The following TDP2 variants were observed in gnomAD, a reference collection of about 807,000 sequenced individuals.
TDP2 encodes the protein 5'-Tyr-DNA phosphodiesterase.
TDP2 carries 38 observed loss-of-function variants against 42.8 expected under a neutral mutation model. The ratio of observed to expected loss-of-function variants is 0.89; its 90% CI spans 0.68 to 1.16. The LOEUF is 1.16. TDP2 is among the 50% of genes most tolerant of loss of function. The probability of loss-of-function intolerance (pLI) is 0.00; values close to 1 mark genes in which losing one functional copy is unlikely to be tolerated. For missense variants in TDP2, 439 were observed against 439.3 expected, an observed-to-expected ratio of 1.00 and a Z score of 0.01; for synonymous variants, 173 against 150.6, an observed-to-expected ratio of 1.15 and a Z score of -1.09.
intron 2 of TDP2, among the ~76,000 whole-genome samples, chr6:24,664,405 T>G (rs1778200196): frequency 6.6e-6 from 1 of 152,128 alleles, no homozygotes; most frequent in South Asian, 2.1e-4. Context: ...TCTGGTTTTT[T>G]TTTTAAATTC....
chr6:24,665,528 T>C (rs1472285068), intron 2 of TDP2, among the ~76,000 whole-genome samples: 1 of 152,250 alleles, frequency 6.6e-6, no homozygotes. Flanking sequence ...GTCTCCACTA[T>C]GAACAGTCAA....
chr6:24,662,930 A>C (rs1344457364), intron 2 of TDP2, among the ~76,000 whole-genome samples: 3 of 152,230 alleles, frequency 2.0e-5, no homozygotes, highest in African/African-American at 7.2e-5. Flanking sequence ...TCATAGCTGA[A>C]TTTAAAAATA....
intron 6 of TDP2, 114 bp downstream of exon 6, chr6:24,652,869 A>T: frequency 1.7e-6 from 2 of 1,167,762 alleles, no homozygotes; most frequent in Non-Finnish European, 2.5e-6. Context: ...AAGGTCACTT[A>T]AGACATTTTG....
rs548444605 is a variant in TDP2 at position 24,651,074 on chromosome 6, AAAG to A, written c.808-8_808-6del. On this transcript the variant is annotated splice_polypyrimidine_tract_variant and splice_region_variant and intron_variant, in intron 6 of 6. Transcript: ENST00000378198. ...TAAACCACCACATCTGGTAACCTGA[AAAG>A]AAGAAGAATACTCTCTAAGATACAC... 155 of 1,609,296 alleles carry A rather than the reference AAAG, an allele frequency of 9.6e-5. No individual in the cohort carries two copies. Among genetic ancestry groups the A allele is most frequent in the African/African-American group, 5.6e-4 (42 of 74,880 alleles).
chr6:24,661,883 C>G (rs181867225), intron 2 of TDP2, among the ~76,000 whole-genome samples: 1 of 152,174 alleles, frequency 6.6e-6, no homozygotes, highest in African/African-American at 2.4e-5. Context: ...TAAGAAACTC[C>G]ATTTTGATCT....
At chr6:24,657,700 C>G in intron 4 of TDP2, 112 bp downstream of exon 4, 1 of 481,454 alleles carries the variant, frequency 2.1e-6, no homozygotes. Context: ...TTTTCTCAAA[C>G]TTATTTATTT....
In TDP2 at chr6:24,666,804, G is replaced by T. The variant is rs1778254352; in HGVS notation, c.59C>A (p.Pro20His). 6.2e-7 allele frequency: 1 copy of T among 1,614,204 alleles called. No individual in the cohort carries two copies. The highest frequency in any genetic ancestry group is 8.5e-7 in the Non-Finnish European group (1 of 1,180,030). The change falls in exon 1 of 7, where the codon CCT becomes CAT. Residue 20 changes from proline to histidine, a missense_variant. Physicochemically the swap from Pro to His is moderately conservative, Grantham distance 77. Transcript: ENST00000378198. ...GREAAEEEGE[P>H]EVKKRRLLCV... is the part of the protein sequence containing the mutation. ...CAGAAGTCGCCGCTTTTTCACCTCA[G>T]GCTCGCCCTCTTCCTCCGCCGCCTC...
intron 2 of TDP2, among the ~76,000 whole-genome samples, chr6:24,660,933 T>C (rs1778136455): frequency 6.6e-6 from 1 of 152,204 alleles, no homozygotes; most frequent in Non-Finnish European, 1.5e-5. Context: ...GAAGTGATAG[T>C]ATGTCCTCCG....
At chr6:24,665,974 C>T (rs1462612853) in intron 2 of TDP2, 2 of 1,145,716 alleles carry the variant, frequency 1.7e-6, no homozygotes, top group Non-Finnish European at 2.3e-6. Context: ...AGGCCTGGAA[C>T]CTGGAAAGGC....
Position 24,666,456 on chromosome 6 carries a change from A to G in TDP2, c.251+70T>C, listed in dbSNP as rs1041795626. ...TCCGCCCAGCTCCACGGCAGGTCCCAGGACGCGCAGGGCTACCTGGTATCA... is the reference window on the plus strand; with the variant it reads ...TCCGCCCAGCTCCACGGCAGGTCCCGGGACGCGCAGGGCTACCTGGTATCA... On this transcript the variant is annotated intron_variant, in intron 2 of 6. Coordinates refer to ENST00000378198, the MANE Select transcript of TDP2 (RefSeq NM_016614.3). 3.9e-6 allele frequency: 6 copies of G among 1,539,972 alleles called. No individual in the cohort carries two copies. In the African/African-American group the frequency reaches 8.2e-5, roughly 21 times the overall value.
rs1446590175 is a variant in TDP2 at position 24,655,084 on chromosome 6, CAAAA to C, written c.518-558_518-555del. 4.3e-4 allele frequency among the ~76,000 whole-genome samples: 65 copies of C among 151,914 alleles called. No individual in the cohort carries two copies. The East Asian group carries it at 0.011, about 26-fold the overall frequency. ...AATGAAAAAAAATGTAAACAAGTGCCAAAAAATAATGCTGCCAATATCAGATGAG... is the reference window on the plus strand; with the variant it reads ...AATGAAAAAAAATGTAAACAAGTGCCAATAATGCTGCCAATATCAGATGAG... On this transcript the variant is annotated intron_variant, in intron 4 of 6. Coordinates refer to ENST00000378198, the MANE Select transcript of TDP2 (RefSeq NM_016614.3).
At chr6:24,657,790 G>A in intron 4 of TDP2, 22 bp downstream of exon 4, 1 of 1,394,810 alleles carries the variant, frequency 7.2e-7, no homozygotes. Flanking sequence ...GAAAAGACAA[G>A]TTGAATAACA....
intron 2 of TDP2, among the ~76,000 whole-genome samples, chr6:24,661,632 T>C (rs9379682): frequency 0.045 from 6,916 of 152,270 alleles, 1,003 homozygotes; most frequent in East Asian, 0.45. Context: ...AAGGCCATGA[T>C]CTGGGTGCTA....
chr6:24,652,180 T>G (rs1484407424), intron 6 of TDP2, among the ~76,000 whole-genome samples: 1 of 152,256 alleles, frequency 6.6e-6, no homozygotes, highest in Non-Finnish European at 1.5e-5. Context: ...GATTCGCCCA[T>G]ATTGTAGCAT....
chr6:24,666,668 G>T, intron 1 of TDP2, 30 bp downstream of exon 1: 1 of 1,614,128 alleles, frequency 6.2e-7, no homozygotes, highest in Non-Finnish European at 8.5e-7. Flanking sequence ...CTAGGTAATG[G>T]AGCCGGAAGC....
intron 2 of TDP2, chr6:24,666,192 C>A (rs1287432027): frequency 6.4e-7 from 1 of 1,550,428 alleles, no homozygotes; most frequent in Non-Finnish European, 8.7e-7. Flanking sequence ...TTCCAAGTTG[C>A]CATTTTTCGA....
chr6:24,665,365 T>A (rs971504046), intron 2 of TDP2, among the ~76,000 whole-genome samples: 1 of 152,174 alleles, frequency 6.6e-6, no homozygotes, highest in African/African-American at 2.4e-5. Flanking sequence ...CTAGTCCAAC[T>A]TGCTCTGGTT....
At chr6:24,665,986 G>A in intron 2 of TDP2, 1 of 1,244,114 alleles carries the variant, frequency 8.0e-7, no homozygotes, top group Non-Finnish European at 1.0e-6. Context: ...TGGAAAGGCA[G>A]GTTCTAAGTT....
chr6:24,650,397 C>T lies in TDP2; in HGVS notation c.*391G>A, dbSNP rs1335808321. 3.4e-5 allele frequency: 6 copies of T among 175,788 alleles called. No homozygotes were observed. In the Admixed American group the frequency reaches 3.5e-4, roughly 10 times the overall value. 10.9% of individuals were successfully genotyped at this position (175,788 alleles called of 1,614,324 possible). On this transcript the variant is annotated 3_prime_UTR_variant, in exon 7 of 7. Coordinates refer to ENST00000378198, the MANE Select transcript of TDP2 (RefSeq NM_016614.3). ...GAACTTATGAAATAAAGGATCCAGTCCCAAGAACTCAATAATCTCTTATGT... is the reference window on the plus strand; with the variant it reads ...GAACTTATGAAATAAAGGATCCAGTTCCAAGAACTCAATAATCTCTTATGT...
Sources: gnomAD v4.1 joint callset for allele counts (sites outside exome capture counted in the v4.1 genomes callset) on GRCh38, gnomAD v4.1.1 for gene constraint, MANE v1.5 for transcripts, NCBI Gene and HGNC (gene_info 2026-07-23, HGNC 2026-07-21) for gene names.